Variants in AKT3 observed in about 807,000 individuals in gnomAD.
The protein encoded by AKT3 is AKT serine/threonine kinase 3.
Under a neutral mutation model 65.3 loss-of-function variants are expected in AKT3, and 15 were observed. The ratio of observed to expected loss-of-function variants is 0.23; its 90% CI spans 0.15 to 0.35. The LOEUF is 0.35. Ranked by LOEUF, AKT3 falls within the 10% of genes least tolerant of loss-of-function variation. The pLI is 1.00. For synonymous variants in AKT3, 206 were observed against 183.8 expected (o/e 1.12, Z -0.98); for missense variants, 243 against 576.5 (o/e 0.42, Z 5.92).
intron 2 of AKT3, among the ~76,000 whole-genome samples, chr1:243,830,385 T>G (rs578059869): frequency 6.6e-6 from 1 of 152,286 alleles, no homozygotes; most frequent in South Asian, 2.1e-4. Flanking sequence ...GGGGGACAAC[T>G]GTACCGTGTA....
chr1:243,612,551 C>T (rs895879260), intron 8 of AKT3: 1 of 154,348 alleles, frequency 6.5e-6, no homozygotes, highest in Non-Finnish European at 1.4e-5. Flanking sequence ...AAACAAGACC[C>T]TATTTAATAA....
intron 2 of AKT3, among the ~76,000 whole-genome samples, chr1:243,735,975 T>G (rs983029802): frequency 2.6e-5 from 4 of 152,186 alleles, no homozygotes; most frequent in Admixed American, 2.6e-4. Flanking sequence ...GGTAAGTAAT[T>G]TAGGGGGAGA....
chr1:243,830,352 G>A (rs1423011239), intron 2 of AKT3, among the ~76,000 whole-genome samples: 1 of 152,110 alleles, frequency 6.6e-6, no homozygotes, highest in Non-Finnish European at 1.5e-5. Context: ...AGGAAGTCCT[G>A]GAACCAACCC....
At chr1:243,582,354 G>A (rs1176118381) in intron 8 of AKT3, among the ~76,000 whole-genome samples, 2 of 150,754 alleles carry the variant, frequency 1.3e-5, no homozygotes, top group Non-Finnish European at 2.9e-5. Context: ...GAGAAAAAGG[G>A]CAGATCAGAG....
At position 243,656,352 on chromosome 1, in the gene AKT3, T is replaced by C. The variant is rs1681790427; in HGVS notation, c.284+8420A>G. ...AATAAATATTTAATTAAATGTCTAA[T>C]ACATGTGTGCTACTAAAGTTTAAAA... On this transcript the variant is annotated intron_variant, in intron 4 of 13. Transcript: ENST00000673466. Among the ~76,000 whole-genome samples the C allele has an allele frequency of 1.3e-5, 2 of 152,296 alleles. 1 individual carries two copies. The highest frequency in any genetic ancestry group is 6.8e-3 in the Middle Eastern group (2 of 294).
intron 12 of AKT3, among the ~76,000 whole-genome samples, chr1:243,518,598 C>G (rs897680767): frequency 2.0e-5 from 3 of 152,132 alleles, no homozygotes; most frequent in Admixed American, 2.0e-4. Flanking sequence ...GCACTCCAGC[C>G]TGGGTGACAG....
chr1:243,531,346 T>A (rs1397181237), intron 12 of AKT3, among the ~76,000 whole-genome samples: 1 of 152,178 alleles, frequency 6.6e-6, no homozygotes, highest in Non-Finnish European at 1.5e-5. Flanking sequence ...CCTCCCAAAA[T>A]GCTGGGATCA....
chr1:243,807,633 C>A (rs954955667), intron 2 of AKT3, among the ~76,000 whole-genome samples: 2 of 152,198 alleles, frequency 1.3e-5, no homozygotes, highest in African/African-American at 4.8e-5. Context: ...CAAAAGGCAG[C>A]AGAGACCTCT....
At chr1:243,587,535 C>T (rs1324394217) in intron 8 of AKT3, among the ~76,000 whole-genome samples, 7 of 152,050 alleles carry the variant, frequency 4.6e-5, no homozygotes, top group South Asian at 2.1e-4. Flanking sequence ...TGGTTGAACC[C>T]GGGAGGTGGA....
rs1669276857 is a variant in AKT3, at chr1:243,501,294, T to A, written c.*3955A>T. ...TCTACATCACCCACGTCTAAGTTTG[T>A]TAATTTGCCATGACATGTTGTTAGA... On this transcript the variant is annotated 3_prime_UTR_variant, in exon 14 of 14. Coordinates refer to ENST00000673466, the MANE Select transcript of AKT3 (RefSeq NM_005465.7). 4.3e-6 allele frequency: 1 copy of A among 233,066 alleles called. No homozygotes were observed. Among genetic ancestry groups the A allele is most frequent in the South Asian group, 1.8e-4 (1 of 5,528 alleles). 14.4% of individuals were successfully genotyped at this position (233,066 alleles called of 1,614,324 possible).
chr1:243,604,165 G>C (rs900530608), intron 8 of AKT3, among the ~76,000 whole-genome samples: 2 of 152,102 alleles, frequency 1.3e-5, no homozygotes, highest in Admixed American at 6.6e-5. Flanking sequence ...ATAGTGCTGA[G>C]ATTCCAAGCA....
At chr1:243,492,207 C>G (rs1020453062) in intron 13 of AKT3, among the ~76,000 whole-genome samples, 1 of 151,188 alleles carries the variant, frequency 6.6e-6, no homozygotes, top group Non-Finnish European at 1.5e-5. Flanking sequence ...CTTTTGGCCA[C>G]GAGAACCCCC....
intron 2 of AKT3, among the ~76,000 whole-genome samples, chr1:243,837,618 A>G (rs777515230): frequency 6.6e-6 from 1 of 152,212 alleles, no homozygotes; most frequent in Non-Finnish European, 1.5e-5. Flanking sequence ...AATTCACCAT[A>G]TTAAGAGAAT....
intron 2 of AKT3, among the ~76,000 whole-genome samples, chr1:243,789,300 C>T (rs1234058937): frequency 6.6e-6 from 1 of 152,168 alleles, no homozygotes; most frequent in Admixed American, 6.5e-5. Context: ...AAGGGAGGAT[C>T]GCTTTAGCCA....
intron 8 of AKT3, among the ~76,000 whole-genome samples, chr1:243,608,409 A>G (rs936869836): frequency 4.6e-5 from 7 of 152,238 alleles, no homozygotes; most frequent in Non-Finnish European, 7.4e-5. Context: ...ATCAGTGAAC[A>G]ATAAGCATAA....
At chr1:243,648,713 T>TCCTC (rs1488640519) in intron 4 of AKT3, among the ~76,000 whole-genome samples, 2 of 152,206 alleles carry the variant, frequency 1.3e-5, no homozygotes, top group East Asian at 3.9e-4. Context: ...TTGGAACCTT[T>TCCTC]GAGGAAAGGT....
chr1:243,573,503 T>C (rs929098665), intron 8 of AKT3, among the ~76,000 whole-genome samples: 2 of 152,334 alleles, frequency 1.3e-5, no homozygotes, highest in Middle Eastern at 6.8e-3. Flanking sequence ...ACTTGTTATA[T>C]TCTACAATTT....
At chr1:243,675,634 A>G (rs1683458912) in intron 3 of AKT3, among the ~76,000 whole-genome samples, 1 of 152,242 alleles carries the variant, frequency 6.6e-6, no homozygotes, top group Admixed American at 6.5e-5. Flanking sequence ...CCATGCCTTA[A>G]CCAATTAGCT....
intron 6 of AKT3, among the ~76,000 whole-genome samples, chr1:243,637,059 G>C (rs1429230526): frequency 6.6e-6 from 1 of 152,084 alleles, no homozygotes; most frequent in Non-Finnish European, 1.5e-5. Context: ...TTGGGATTTT[G>C]TTCAGAACTC....
Sources: gnomAD v4.1 joint callset for allele counts (sites outside exome capture counted in the v4.1 genomes callset) on GRCh38, gnomAD v4.1.1 for gene constraint, MANE v1.5 for transcripts, NCBI Gene and HGNC (gene_info 2026-07-23, HGNC 2026-07-21) for gene names.